DCST2: variants seen among roughly 807,000 people sequenced by gnomAD.
DCST2 encodes DC-STAMP domain containing 2, also known as DC-STAMP domain-containing protein 2.
DCST2 carries 64 observed loss-of-function variants against 81.8 expected under a neutral mutation model. The ratio of observed to expected loss-of-function variants is 0.78; its 90% CI spans 0.64 to 0.96. The LOEUF is 0.96. DCST2 is among the 40% of genes least tolerant of loss of function. DCST2 has a pLI of 0.00. For synonymous variants in DCST2, 354 were observed against 402.6 expected (o/e 0.88, Z 1.44); for missense variants, 945 against 1,001.4 (o/e 0.94, Z 0.76).
At chr1:155,022,782 A>G (rs2102334310) in intron 14 of DCST2, among the ~76,000 whole-genome samples, 1 of 152,244 alleles carries the variant, frequency 6.6e-6, no homozygotes, top group Admixed American at 6.5e-5. Context: ...CAGCTCATGT[A>G]TCACCTCTTC....
In DCST2 at chr1:155,031,602, G is replaced by A. The variant is rs1482592453; in HGVS notation, c.711C>T (p.Phe237=). The A allele has an allele frequency of 6.8e-7, 1 of 1,476,860 alleles. No individual in the cohort carries two copies. Among genetic ancestry groups the A allele is most frequent in the South Asian group, 1.1e-5 (1 of 89,332 alleles). 91.5% of individuals were successfully genotyped at this position (1,476,860 alleles called of 1,614,324 possible). ...TGGCAAGTCCACAGAGCGCCAGTTTGAAGGGCATGAGCACGTAACACAGGT... is the reference window on the plus strand; with the variant it reads ...TGGCAAGTCCACAGAGCGCCAGTTTAAAGGGCATGAGCACGTAACACAGGT... ...AYHLCYVLMP[F]KLALCGLASL... The change falls in exon 4 of 15, where the codon TTC becomes TTT. Residue 237 remains phenylalanine (F), a synonymous_variant. Coordinates refer to ENST00000368424, the MANE Select transcript of DCST2 (RefSeq NM_144622.3).
Position 155,023,187 on chromosome 1 carries a change from A to G in DCST2, c.2035T>C (p.Trp679Arg), listed in dbSNP as rs771759702. ...TCTTGGAGCTGTTGCTGCAATAACC[A>G]TGCCTGCTCAGGGTCCTTCCTTTGA... ...AAQRKDPEQA[W>R]LLQQQLQEVL... The change falls in exon 14 of 15, where the codon TGG (tryptophan) becomes CGG (arginine). Residue 679 changes from tryptophan (W) to arginine (R), a missense_variant. Physicochemically the swap from Trp to Arg is moderately radical, Grantham distance 101. Coordinates refer to ENST00000368424, the MANE Select transcript of DCST2 (RefSeq NM_144622.3). 6.2e-7 allele frequency: 1 copy of G among 1,614,110 alleles called. No individual in the cohort carries two copies. Among genetic ancestry groups the G allele is most frequent in the Non-Finnish European group, 8.5e-7 (1 of 1,180,020 alleles).
chr1:155,026,241 G>T lies in DCST2; in HGVS notation c.1611+61C>A. The T allele has an allele frequency of 1.9e-6, 3 of 1,559,720 alleles. No individual in the cohort carries two copies. In the South Asian group the frequency reaches 3.4e-5, roughly 18 times the overall value. Reference sequence around the variant, plus strand: ...TCAGCTCCCAAAGCCAAAAAAGCCAGCCACTAGCTAAGCCCCCTGGGGAGG... The same window carrying T: ...TCAGCTCCCAAAGCCAAAAAAGCCATCCACTAGCTAAGCCCCCTGGGGAGG... On this transcript the variant is annotated intron_variant, in intron 10 of 14. Coordinates refer to ENST00000368424, the MANE Select transcript of DCST2 (RefSeq NM_144622.3).
At chr1:155,022,155 C>A (rs1411592586) in intron 14 of DCST2, among the ~76,000 whole-genome samples, 1 of 152,184 alleles carries the variant, frequency 6.6e-6, no homozygotes, top group Non-Finnish European at 1.5e-5. Context: ...GCATGAGCCA[C>A]CGTGCCCGGC....
At chr1:155,020,383 AT>A (rs1302283072) in intron 14 of DCST2, among the ~76,000 whole-genome samples, 1 of 151,966 alleles carries the variant, frequency 6.6e-6, no homozygotes, top group African/African-American at 2.4e-5. Context: ...TTATTTATTT[AT>A]TTTGAGACAG....
chr1:155,026,800 C>T, intron 8 of DCST2, 85 bp from the exon 9 acceptor site: 1 of 1,524,856 alleles, frequency 6.6e-7, no homozygotes, highest in Non-Finnish European at 9.0e-7. Flanking sequence ...GAAAGTGGAG[C>T]AGCGCAGGTC....
chr1:155,026,733 T>C lies in DCST2; in HGVS notation c.1343-18A>G. ...CACAGGACCTGGCACAAAGACACTGTGTGAGTGACACTCATGGCAGTTGCT... is the reference window on the plus strand; with the variant it reads ...CACAGGACCTGGCACAAAGACACTGCGTGAGTGACACTCATGGCAGTTGCT... On this transcript the variant is annotated intron_variant, in intron 8 of 14. Transcript: ENST00000368424. The C allele has an allele frequency of 6.2e-7, 1 of 1,613,460 alleles. No individual in the cohort carries two copies. The highest frequency in any genetic ancestry group is 8.5e-7 in the Non-Finnish European group (1 of 1,179,488).
At chr1:155,027,198 ATT>A (rs900841532) in intron 8 of DCST2, among the ~76,000 whole-genome samples, 1,405 of 94,186 alleles carry the variant, frequency 0.015, 13 homozygotes, top group East Asian at 0.066. Context: ...ACGACCGGCT[ATT>A]TTTTTTTTTT....
intron 8 of DCST2, 62 bp downstream of exon 8, chr1:155,029,171 C>G (rs1038736571): frequency 1.5e-5 from 24 of 1,581,022 alleles, no homozygotes; most frequent in Non-Finnish European, 2.1e-5. Flanking sequence ...GCGGGGAGAT[C>G]AGAAACAGGC....
chr1:155,024,870 C>T (rs920678492), intron 10 of DCST2, among the ~76,000 whole-genome samples: 12 of 152,152 alleles, frequency 7.9e-5, no homozygotes, highest in African/African-American at 2.4e-4. Context: ...CTTGTCTGGC[C>T]GGGCGTTGTG....
At chr1:155,028,868 CAAA>C (rs71767777) in intron 8 of DCST2, among the ~76,000 whole-genome samples, 1 of 101,484 alleles carries the variant, frequency 9.9e-6, no homozygotes. Flanking sequence ...GACTCTGTCT[CAAA>C]AAAAAAAAAA....
Position 155,027,554 on chromosome 1 carries a change from CTTTTTTTTTT to C in DCST2, c.1343-849_1343-840del, listed in dbSNP as rs779621299. 7.8e-5 allele frequency among the ~76,000 whole-genome samples: 5 copies of C among 64,020 alleles called. No individual in the cohort carries two copies. The East Asian group carries it at 2.3e-3, about 29-fold the overall frequency. The allele number at this position is 64,020 out of a possible 152,430, so 42.0% of individuals were successfully genotyped here. ...TTTGTTTTTTAGGAGTTTTTTACTT[CTTTTTTTTTT>C]TTTTTTTTTTTTTTGAGACAGGGTA... On this transcript the variant is annotated intron_variant, in intron 8 of 14. Transcript: ENST00000368424.
In DCST2 at chr1:155,031,243, C is replaced by T. The variant is rs1208191940; in HGVS notation, c.740-9G>A. ...GCAGAACACCTGGACCACTGAGGGG[C>T]GGAGTCGGCTGAGTGTCGGAAGGAG... is the stretch of plus-strand genomic sequence containing the variant. On this transcript the variant is annotated splice_polypyrimidine_tract_variant and intron_variant, in intron 4 of 14. Transcript: ENST00000368424. 6.4e-6 allele frequency: 10 copies of T among 1,566,746 alleles called. No individual in the cohort carries two copies. Among genetic ancestry groups the T allele is most frequent in the Non-Finnish European group, 7.8e-6 (9 of 1,155,640 alleles).
chr1:155,018,826 C>T (rs1354672013), intron 14 of DCST2, 66 bp from the exon 15 acceptor site: 4 of 1,467,778 alleles, frequency 2.7e-6, no homozygotes, highest in East Asian at 2.4e-5. Flanking sequence ...CATCCCTGCC[C>T]CCTGCCCTGC....
At position 155,024,580 on chromosome 1, in the gene DCST2, T is replaced by C. The variant is rs778134559; in HGVS notation, c.1634A>G (p.Asn545Ser). Reference protein sequence around the residue: ...REQERISYLYNVLLSRRTNLL... With the variant: ...REQERISYLYSVLLSRRTNLL... The stretch of plus-strand genomic sequence containing the variant: ...ATTGGTTCGGCGGCTCAGAAGTACA[T>C]TGTACAGGTAGGAGATCCTCTCCTG... The change falls in exon 11 of 15, where the codon AAT (asparagine) becomes AGT (serine). Residue 545 changes from asparagine to serine, a missense_variant. Coordinates refer to ENST00000368424, the MANE Select transcript of DCST2 (RefSeq NM_144622.3). 2 of 1,607,230 alleles carry C rather than the reference T, an allele frequency of 1.2e-6. No individual in the cohort carries two copies. Among genetic ancestry groups the C allele is most frequent in the African/African-American group, 1.3e-5 (1 of 74,746 alleles).
intron 8 of DCST2, among the ~76,000 whole-genome samples, chr1:155,028,970 C>T (rs1571549049): frequency 6.6e-6 from 1 of 152,024 alleles, no homozygotes; most frequent in Admixed American, 6.6e-5. Flanking sequence ...TGAACCCTGG[C>T]CAGTGTGACT....
At chr1:155,029,646 A>G (rs1302248762) in intron 7 of DCST2, among the ~76,000 whole-genome samples, 5 of 152,110 alleles carry the variant, frequency 3.3e-5, no homozygotes, top group Middle Eastern at 3.2e-3. Context: ...TTCCAGTCTA[A>G]GGAGCCCTCC....
At chr1:155,028,177 C>T (rs1659966084) in intron 8 of DCST2, among the ~76,000 whole-genome samples, 1 of 152,076 alleles carries the variant, frequency 6.6e-6, no homozygotes, top group Non-Finnish European at 1.5e-5. Context: ...CTACCCGCCT[C>T]ATCCTCCTAA....
chr1:155,032,289 G>GC (rs1209152109), intron 3 of DCST2, among the ~76,000 whole-genome samples: 6 of 150,868 alleles, frequency 4.0e-5, no homozygotes, highest in African/African-American at 7.3e-5. Context: ...ACCGCACCTG[G>GC]CCCCCCCGCT....
Sources: allele counts gnomAD v4.1 joint callset (sites outside exome capture counted in the v4.1 genomes callset), GRCh38; gene constraint gnomAD v4.1.1; transcripts MANE v1.5; gene names NCBI Gene and HGNC (gene_info 2026-07-23, HGNC 2026-07-21).